Variants in FN1 observed in about 807,000 individuals in gnomAD.
The protein encoded by FN1 is fibronectin 1.
FN1 carries 106 observed loss-of-function variants against 297.3 expected under a neutral mutation model. The ratio of observed to expected loss-of-function variants is 0.36; its 90% CI spans 0.30 to 0.42. The LOEUF is 0.42. FN1 is among the 10% of genes least tolerant of loss of function. The probability of loss-of-function intolerance (pLI) is 1.00; values close to 1 mark genes in which losing one functional copy is unlikely to be tolerated. For missense variants in FN1, 2,690 were observed against 3,124.9 expected, an observed-to-expected ratio of 0.86 and a Z score of 3.32; for synonymous variants, 1,149 against 1,152.6, an observed-to-expected ratio of 1.00 and a Z score of 0.06.
Position 215,436,060 on chromosome 2 carries a change from G to A in FN1, c.-258C>T, listed in dbSNP as rs949364357. On this transcript the variant is annotated 5_prime_UTR_variant, in exon 1 of 46. Transcript: ENST00000354785. Reference sequence around the variant, plus strand: ...TCTCCTCCCCCTGTGCAGCACAGCCGGCGCGGGCGTCCGAGCGCCGGGAGC... The same window carrying A: ...TCTCCTCCCCCTGTGCAGCACAGCCAGCGCGGGCGTCCGAGCGCCGGGAGC... 3 of 617,924 alleles carry A rather than the reference G, an allele frequency of 4.9e-6. No homozygotes were observed. Among genetic ancestry groups the A allele is most frequent in the Non-Finnish European group, 4.9e-6 (2 of 406,146 alleles). 38.3% of individuals were successfully genotyped at this position (617,924 alleles called of 1,614,324 possible).
chr2:215,428,137 A>T (rs1422852388), intron 6 of FN1, 43 bp downstream of exon 6: 1 of 1,610,502 alleles, frequency 6.2e-7, no homozygotes, highest in Admixed American at 1.7e-5. Context: ...ATATTTCTTG[A>T]CCTGCTTCCC....
intron 44 of FN1, among the ~76,000 whole-genome samples, chr2:215,364,168 T>C (rs1191543371): frequency 6.6e-6 from 1 of 152,254 alleles, no homozygotes; most frequent in Non-Finnish European, 1.5e-5. Context: ...TCTTCAACTA[T>C]ATCATTAAGA....
chr2:215,421,982 T>G (rs1243958045), intron 10 of FN1, 109 bp downstream of exon 10: 1 of 1,029,756 alleles, frequency 9.7e-7, no homozygotes, highest in Non-Finnish European at 1.5e-6. Context: ...TGACGTGGCA[T>G]TCCATATTTC....
At chr2:215,409,237 G>A (rs574314919) in intron 15 of FN1, among the ~76,000 whole-genome samples, 15 of 152,224 alleles carry the variant, frequency 9.9e-5, no homozygotes, top group African/African-American at 3.1e-4. Context: ...ATGAGTGACC[G>A]TACTGTGCTC....
In FN1 at chr2:215,435,985, G is replaced by T. The variant is rs1463237921; in HGVS notation, c.-183C>A. ...GGGACAGAAGGGATGCAGAGGACCA[G>T]AGAAGTTGTGGCTGCAGGTCCCCTC... On this transcript the variant is annotated 5_prime_UTR_variant, in exon 1 of 46. In the 5' UTR this introduces an upstream ATG that the reference lacks. Transcript: ENST00000354785. 6 of 1,335,210 alleles carry T rather than the reference G, an allele frequency of 4.5e-6. No individual in the cohort carries two copies. The highest frequency in any genetic ancestry group is 5.9e-6 in the Non-Finnish European group (6 of 1,010,892). The allele number at this position is 1,335,210 out of a possible 1,614,324, so 82.7% of individuals were successfully genotyped here.
chr2:215,362,118 A>C, intron 44 of FN1, 39 bp from the exon 45 acceptor site: 1 of 1,462,082 alleles, frequency 6.8e-7, no homozygotes, highest in Non-Finnish European at 9.6e-7. Context: ...GGGGTTTATG[A>C]TAACCTGAGG....
intron 40 of FN1, 115 bp from the exon 41 acceptor site, chr2:215,370,547 C>CAAAAAAAAAAA (rs1559336677): frequency 1.0e-5 from 3 of 297,724 alleles, no homozygotes; most frequent in South Asian, 8.0e-5. Context: ...AGACAAAAAA[C>CAAAAAAAAAAA]AAAAAACAAA....
chr2:215,397,982 ATT>A, intron 21 of FN1, 134 bp from the exon 22 acceptor site: 2 of 803,886 alleles, frequency 2.5e-6, no homozygotes, highest in Non-Finnish European at 4.2e-6. Flanking sequence ...TTGGGAAATG[ATT>A]TGGGGACTCT....
Position 215,375,702 on chromosome 2 carries a change from A to T in FN1, c.5904T>A (p.Thr1968=). 1 of 1,611,082 alleles carries T rather than the reference A, an allele frequency of 6.2e-7. No individual in the cohort carries two copies. Among genetic ancestry groups the T allele is most frequent in the South Asian group, 1.1e-5 (1 of 91,028 alleles). ...AGGTGTACAGGTAGATCTTGTAGTC[A>T]GTGCCTGGTTGTAAACCTGGGATTT... ...SYTITGLQPG[T]DYKIYLYTLN... The change falls in exon 37 of 46, where the codon ACT becomes ACA. Residue 1968 remains threonine, a synonymous_variant. Transcript: ENST00000354785.
At chr2:215,433,182 G>T in intron 3 of FN1, 142 bp downstream of exon 3, 1 of 941,284 alleles carries the variant, frequency 1.1e-6, no homozygotes, top group Non-Finnish European at 1.7e-6. Context: ...CCAGTTGGGT[G>T]ACCACTTAAG....
intron 42 of FN1, among the ~76,000 whole-genome samples, chr2:215,367,397 A>C (rs2054848894): frequency 1.3e-5 from 2 of 152,176 alleles, no homozygotes; most frequent in Non-Finnish European, 1.5e-5. Context: ...TATGTGTGTG[A>C]CGCAAAAGTG....
At chr2:215,365,875 G>A (rs747747849) in intron 42 of FN1, 2 of 200,410 alleles carry the variant, frequency 1.0e-5, no homozygotes, top group Non-Finnish European at 1.9e-5. Context: ...GTGCAATCTC[G>A]GCTCACTGTA....
At position 215,436,044 on chromosome 2, in the gene FN1, C is replaced by A. The variant is rs1477778371; in HGVS notation, c.-242G>T. On this transcript the variant is annotated 5_prime_UTR_variant, in exon 1 of 46. Transcript: ENST00000354785. ...CGCGCCTGGGGTTCCCTCTCCTCCCCCTGTGCAGCACAGCCGGCGCGGGCG... is the reference window on the plus strand; with the variant it reads ...CGCGCCTGGGGTTCCCTCTCCTCCCACTGTGCAGCACAGCCGGCGCGGGCG... The A allele has an allele frequency of 7.2e-5, 57 of 793,972 alleles. 1 individual carries two copies. The South Asian group carries it at 1.2e-3, about 16-fold the overall frequency. The allele number at this position is 793,972 out of a possible 1,614,324, so 49.2% of individuals were successfully genotyped here. A position where few individuals can be genotyped will look rare whatever the true frequency, so the allele number is the denominator to read the frequency against.
chr2:215,382,050 T>C (rs2058292806), intron 32 of FN1, 162 bp downstream of exon 32: 2 of 635,790 alleles, frequency 3.1e-6, no homozygotes, highest in African/African-American at 1.8e-5. Context: ...CGCTTGGCAC[T>C]GAGAAGGAAA....
chr2:215,407,247 C>T lies in FN1; in HGVS notation c.2593G>A (p.Val865Ile), dbSNP rs372271954. The T allele has an allele frequency of 1.4e-5, 23 of 1,613,990 alleles. No individual in the cohort carries two copies. The highest frequency in any genetic ancestry group is 6.7e-5 in the African/African-American group (5 of 74,908). The change falls in exon 18 of 46, where the codon GTC becomes ATC. Residue 865 changes from valine to isoleucine, a missense_variant. Val to Ile is a conservative substitution (Grantham distance 29). Transcript: ENST00000354785. ...ELNLPETANSVTLSDLQPGVQ... is the reference protein window; with the variant it reads ...ELNLPETANSITLSDLQPGVQ... ...CCAGGTTGCAAGTCACTGAGGGTGA[C>T]GGAGTTTGCAGTTTCAGGAAGGTTG...
intron 23 of FN1, among the ~76,000 whole-genome samples, chr2:215,395,860 T>C (rs2060248261): frequency 6.6e-6 from 1 of 152,110 alleles, no homozygotes; most frequent in African/African-American, 2.4e-5. Flanking sequence ...GGCTGGGCCA[T>C]TGAGACGAGA....
At chr2:215,400,137 G>T (rs1358017114) in intron 20 of FN1, among the ~76,000 whole-genome samples, 1 of 151,562 alleles carries the variant, frequency 6.6e-6, no homozygotes, top group Non-Finnish European at 1.5e-5. Context: ...GCAGTGAGCC[G>T]AGATCATGCC....
chr2:215,409,094 T>C (rs1002309640), intron 15 of FN1, among the ~76,000 whole-genome samples: 7 of 152,160 alleles, frequency 4.6e-5, no homozygotes, highest in African/African-American at 1.4e-4. Context: ...TTTTCCTTGA[T>C]CTGGGTGCTG....
At chr2:215,395,533 C>G (rs763800265) in intron 23 of FN1, among the ~76,000 whole-genome samples, 1 of 116,338 alleles carries the variant, frequency 8.6e-6, no homozygotes, top group African/African-American at 3.5e-5. Context: ...GAGTGAGACT[C>G]TGTCTCAAAA....
Sources: gnomAD v4.1 joint callset for allele counts (sites outside exome capture counted in the v4.1 genomes callset) on GRCh38, gnomAD v4.1.1 for gene constraint, MANE v1.5 for transcripts, NCBI Gene and HGNC (gene_info 2026-07-23, HGNC 2026-07-21) for gene names.